The following SEC22C variants were observed in gnomAD, a reference collection of about 807,000 sequenced individuals.
SEC22C encodes the protein vesicle-trafficking protein SEC22c.
Under a neutral mutation model 34.7 loss-of-function variants are expected in SEC22C, and 29 were observed. The ratio of observed to expected loss-of-function variants is 0.84; its 90% CI spans 0.62 to 1.14. The LOEUF is 1.14. Among genes scored for constraint, SEC22C ranks in the 50% most tolerant of loss-of-function variants. The pLI is 0.00. For missense variants in SEC22C, 337 were observed against 369.0 expected, an observed-to-expected ratio of 0.91 and a Z score of 0.71; for synonymous variants, 117 against 132.8, an observed-to-expected ratio of 0.88 and a Z score of 0.82.
chr3:42,559,589 G>A (rs990222757), intron 4 of SEC22C, among the ~76,000 whole-genome samples: 1 of 152,148 alleles, frequency 6.6e-6, no homozygotes, highest in Non-Finnish European at 1.5e-5. Context: ...ACAAAGTTAA[G>A]TCAAAACCAT....
intron 2 of SEC22C, among the ~76,000 whole-genome samples, chr3:42,565,136 C>A (rs1023293702): frequency 5.3e-5 from 8 of 152,182 alleles, no homozygotes; most frequent in Non-Finnish European, 7.3e-5. Context: ...ATGCCAGGAG[C>A]CTCACTGTCC....
chr3:42,555,832 G>T, intron 6 of SEC22C, 98 bp downstream of exon 6: 1 of 1,010,180 alleles, frequency 9.9e-7, no homozygotes, highest in Non-Finnish European at 1.5e-6. Context: ...TGACCTTGGT[G>T]GAACAAAAAT....
At chr3:42,583,937 C>T (rs1211272194), upstream of SEC22C, among the ~76,000 whole-genome samples, 1 of 152,188 alleles carries the variant, frequency 6.6e-6, no homozygotes, top group East Asian at 1.9e-4. Context: ...CCGGCTTGGG[C>T]CTTGGACTGG....
chr3:42,567,497 TCA>T (rs980532989), intron 2 of SEC22C, among the ~76,000 whole-genome samples: 2 of 152,156 alleles, frequency 1.3e-5, no homozygotes, highest in African/African-American at 4.8e-5. Flanking sequence ...TTTTTTTACC[TCA>T]GTTTCCTCCT....
At chr3:42,587,363 T>C (rs1448986014) in intron 1 of SEC22C, 1 of 152,208 alleles carries the variant, frequency 6.6e-6, no homozygotes, top group African/African-American at 2.4e-5. Flanking sequence ...AACAGGTTGG[T>C]CCCCTATAAC....
At chr3:42,570,961 T>C (rs561272187) in intron 1 of SEC22C, among the ~76,000 whole-genome samples, 1 of 152,180 alleles carries the variant, frequency 6.6e-6, no homozygotes, top group Non-Finnish European at 1.5e-5. Context: ...GTCAATGAGA[T>C]ACCAAAACAG....
intron 1 of SEC22C, among the ~76,000 whole-genome samples, chr3:42,572,032 C>CAAAAAT (rs1459922011): frequency 6.6e-6 from 1 of 151,836 alleles, no homozygotes; most frequent in Non-Finnish European, 1.5e-5. Context: ...GACCCTGTCT[C>CAAAAAT]AAAAATAAAA....
intron 3 of SEC22C, among the ~76,000 whole-genome samples, chr3:42,562,399 T>C (rs1702978041): frequency 1.3e-5 from 2 of 152,204 alleles, no homozygotes; most frequent in African/African-American, 4.8e-5. Flanking sequence ...GAAAGAAGTG[T>C]GGCCCAGAGC....
Position 42,549,503 on chromosome 3 carries a change from G to A in SEC22C, c.*3745C>T. The A allele has an allele frequency of 1.0e-6, 1 of 985,738 alleles. No individual in the cohort carries two copies. The highest frequency in any genetic ancestry group is 1.2e-6 in the Non-Finnish European group (1 of 830,174). The allele number at this position is 985,738 out of a possible 1,614,324, so 61.1% of individuals were successfully genotyped here. ...TGCCCTGCTTCCTGTGCCTCACACA[G>A]CCAGCCTTGCTGGCCTGCTGGCTAT... On this transcript the variant is annotated 3_prime_UTR_variant, in exon 7 of 7. Transcript: ENST00000264454.
chr3:42,580,355 T>C (rs1704253403), intron 1 of SEC22C: 1 of 152,148 alleles, frequency 6.6e-6, no homozygotes, highest in Admixed American at 6.5e-5. Flanking sequence ...ACACAAAGTG[T>C]TCACCATAAA....
intron 6 of SEC22C, among the ~76,000 whole-genome samples, chr3:42,555,439 C>T (rs1577293917): frequency 6.6e-6 from 1 of 152,314 alleles, no homozygotes; most frequent in African/African-American, 2.4e-5. Flanking sequence ...ATCCTCCCAC[C>T]TTGGCCTTGA....
intron 1 of SEC22C, among the ~76,000 whole-genome samples, chr3:42,570,547 A>G (rs1013591891): frequency 6.6e-6 from 1 of 152,204 alleles, no homozygotes; most frequent in Non-Finnish European, 1.5e-5. Context: ...GATCCTACAC[A>G]GTCCATTTGA....
chr3:42,584,048 G>A (rs1299053723), upstream of SEC22C, among the ~76,000 whole-genome samples: 2 of 152,150 alleles, frequency 1.3e-5, no homozygotes, highest in African/African-American at 4.8e-5. Context: ...CCAGCTTGTA[G>A]ATGGTCTATT....
At position 42,548,581 on chromosome 3, in the gene SEC22C, C is replaced by G. The variant is rs1181298937; in HGVS notation, c.*4667G>C. The G allele has an allele frequency of 6.2e-7, 1 of 1,612,152 alleles. No individual in the cohort carries two copies. Among genetic ancestry groups the G allele is most frequent in the East Asian group, 2.2e-5 (1 of 44,884 alleles). ...CATCACTGCTCCCGGATGGGAGAAT[C>G]AGAGCTCTCCTCATTTGGGTCAGGG... On this transcript the variant is annotated 3_prime_UTR_variant, in exon 7 of 7. Coordinates refer to ENST00000264454, the MANE Select transcript of SEC22C (RefSeq NM_032970.4).
At chr3:42,577,044 A>C (rs1341740119) in intron 1 of SEC22C, among the ~76,000 whole-genome samples, 1 of 152,170 alleles carries the variant, frequency 6.6e-6, no homozygotes, top group African/African-American at 2.4e-5. Flanking sequence ...TCTTTTCTAT[A>C]AATAGTGCCG....
chr3:42,594,340 G>C (rs1166699772), intron 1 of SEC22C: 2 of 1,056,812 alleles, frequency 1.9e-6, no homozygotes, highest in Non-Finnish European at 2.9e-6. Context: ...CATTCCACTA[G>C]AGTGGGTAAA....
At chr3:42,564,013 C>T in intron 2 of SEC22C, 1 of 1,099,644 alleles carries the variant, frequency 9.1e-7, no homozygotes, top group Non-Finnish European at 1.2e-6. Context: ...CTTTAATCTA[C>T]ATCAACAGAT....
chr3:42,563,572 G>A lies in SEC22C; in HGVS notation c.297C>T (p.Asp99=). The A allele has an allele frequency of 6.2e-7, 1 of 1,614,138 alleles. No homozygotes were observed. Among genetic ancestry groups the A allele is most frequent in the Non-Finnish European group, 8.5e-7 (1 of 1,179,940 alleles). ...TLWWEFTASY[D]TTCIGLASRP... ...TGGAGGCTAGGCCAATGCAGGTAGT[G>A]TCATAGGAAGCTGTGAATTCCCACC... The change falls in exon 3 of 7, where the codon GAC becomes GAT. Residue 99 remains aspartate, a synonymous_variant. Transcript: ENST00000264454.
At chr3:42,598,154 C>T (rs1328000325) in intron 1 of SEC22C, among the ~76,000 whole-genome samples, 3 of 151,956 alleles carry the variant, frequency 2.0e-5, no homozygotes, top group Non-Finnish European at 4.4e-5. Flanking sequence ...TTTACAACAG[C>T]CAAAAGGTAG....
Sources: gnomAD v4.1 joint callset for allele counts (sites outside exome capture counted in the v4.1 genomes callset) on GRCh38, gnomAD v4.1.1 for gene constraint, MANE v1.5 for transcripts, NCBI Gene and HGNC (gene_info 2026-07-23, HGNC 2026-07-21) for gene names.